PARD3: variants seen among roughly 807,000 people sequenced by gnomAD.
PARD3 encodes partitioning defective 3 homolog.
Under a neutral mutation model 155.4 loss-of-function variants are expected in PARD3, and 75 were observed. That is an observed-to-expected ratio of 0.48 (90% confidence interval 0.40 to 0.58). The LOEUF (loss-of-function observed/expected upper bound fraction) is 0.58. Among genes scored for constraint, PARD3 ranks in the 20% least tolerant of loss-of-function variants. The probability of loss-of-function intolerance (pLI) is 0.00; values close to 1 mark genes in which losing one functional copy is unlikely to be tolerated. For synonymous variants in PARD3, 576 were observed against 610.5 expected, an observed-to-expected ratio of 0.94 and a Z score of 0.83; for missense variants, 1,642 against 1,721.7, an observed-to-expected ratio of 0.95 and a Z score of 0.82.
At chr10:34,674,689 G>A (rs536330460) in intron 2 of PARD3, among the ~76,000 whole-genome samples, 3 of 151,990 alleles carry the variant, frequency 2.0e-5, no homozygotes, top group East Asian at 3.9e-4. Context: ...GTTTCACCAC[G>A]TTGGCCAGGC....
chr10:34,686,213 G>C (rs1389527794), intron 2 of PARD3, among the ~76,000 whole-genome samples: 2 of 152,086 alleles, frequency 1.3e-5, no homozygotes, highest in Non-Finnish European at 2.9e-5. Flanking sequence ...ACAGCTTGTA[G>C]CTCTGTGAAA....
chr10:34,579,197 G>C (rs779968830), intron 2 of PARD3, among the ~76,000 whole-genome samples: 11 of 151,796 alleles, frequency 7.2e-5, no homozygotes, highest in South Asian at 6.2e-4. Context: ...TTTAACCCAG[G>C]AGGCAGAGGT....
At chr10:34,465,186 A>G (rs1311490235) in intron 4 of PARD3, among the ~76,000 whole-genome samples, 1 of 152,156 alleles carries the variant, frequency 6.6e-6, no homozygotes. Flanking sequence ...GTTGTTCCAA[A>G]TATTTTCAAT....
At chr10:34,454,162 T>C (rs918716408) in intron 4 of PARD3, among the ~76,000 whole-genome samples, 5 of 152,186 alleles carry the variant, frequency 3.3e-5, no homozygotes, top group African/African-American at 1.2e-4. Flanking sequence ...CAGGTCCTAC[T>C]AGCGTTTCAG....
chr10:34,315,319 T>C (rs935701310), intron 20 of PARD3, among the ~76,000 whole-genome samples: 6 of 152,222 alleles, frequency 3.9e-5, no homozygotes, highest in Non-Finnish European at 5.9e-5. Flanking sequence ...CCATAGGCCT[T>C]TCTTTCTTCT....
intron 4 of PARD3, among the ~76,000 whole-genome samples, chr10:34,468,817 G>C (rs1042205017): frequency 9.2e-5 from 14 of 151,976 alleles, no homozygotes; most frequent in Admixed American, 7.2e-4. Flanking sequence ...GCAAACCAAA[G>C]TTGAAAGAAA....
In PARD3 at chr10:34,374,924, C is replaced by T. The variant is rs753703849; in HGVS notation, c.1618G>A (p.Val540Met). 1 of 1,613,900 alleles carries T rather than the reference C, an allele frequency of 6.2e-7. No individual in the cohort carries two copies. The highest frequency in any genetic ancestry group is 8.5e-7 in the Non-Finnish European group (1 of 1,179,802). Residue 540 changes from valine to methionine, a missense_variant, in exon 11 of 25, where the codon GTG (valine) becomes ATG (methionine). Val to Met is a conservative substitution (Grantham distance 21). This residue lies in a region of PARD3 where 1,529 missense variants were observed against 1,587.3 expected (regional missense o/e 0.96). Transcript: ENST00000374788. ...TCCTGGCGAAAGACCAGAAGGCTCA[C>T]AGTTCCTTCCATCTTGGTGCTTCTC... ...LLRSTKMEGTVSLLVFRQEDA... is the reference protein window; with the variant it reads ...LLRSTKMEGTMSLLVFRQEDA...
At chr10:34,148,670 T>C (rs985773242) in intron 22 of PARD3, among the ~76,000 whole-genome samples, 4 of 152,184 alleles carry the variant, frequency 2.6e-5, no homozygotes, top group African/African-American at 9.7e-5. Flanking sequence ...AAGTTGAAGA[T>C]GTTTTCCATA....
chr10:34,559,767 T>C (rs1378756874), intron 2 of PARD3, among the ~76,000 whole-genome samples: 2 of 152,164 alleles, frequency 1.3e-5, no homozygotes, highest in African/African-American at 4.8e-5. Flanking sequence ...AGGACAGCGA[T>C]ATAATTTGAC....
chr10:34,440,766 C>A (rs905224177), intron 5 of PARD3, among the ~76,000 whole-genome samples: 1 of 151,882 alleles, frequency 6.6e-6, no homozygotes, highest in Non-Finnish European at 1.5e-5. Context: ...AACTGCACAC[C>A]CCAGGTCCAA....
chr10:34,484,271 A>G (rs2079288742), intron 3 of PARD3, among the ~76,000 whole-genome samples: 1 of 152,218 alleles, frequency 6.6e-6, no homozygotes, highest in Non-Finnish European at 1.5e-5. Flanking sequence ...CCGAGTATTA[A>G]TTTAGGAGCT....
rs540446754 is a variant in PARD3 at position 34,778,871 on chromosome 10, T to C, written c.120+36005A>G. Among the ~76,000 whole-genome samples the C allele has an allele frequency of 4.6e-5, 7 of 152,346 alleles. No individual in the cohort carries two copies. In the South Asian group the frequency reaches 1.0e-3, roughly 23 times the overall value. ...GTTTCCTTAACATGAGGTAGACCAG[T>C]ATTTTTGTTCACAAAGGACTGACAA... On this transcript the variant is annotated intron_variant, in intron 1 of 24. Coordinates refer to ENST00000374788, the MANE Select transcript of PARD3 (RefSeq NM_001184785.2).
chr10:34,427,523 C>A (rs933415148), intron 5 of PARD3, among the ~76,000 whole-genome samples: 1 of 152,144 alleles, frequency 6.6e-6, no homozygotes. Flanking sequence ...GCATGCACAG[C>A]GGGACATGGA....
At chr10:34,499,964 T>C (rs545044487) in intron 3 of PARD3, among the ~76,000 whole-genome samples, 1 of 152,392 alleles carries the variant, frequency 6.6e-6, no homozygotes, top group South Asian at 2.1e-4. Context: ...AAATAGTTGT[T>C]ATACTGTATC....
chr10:34,623,958 C>G (rs957339593), intron 2 of PARD3, among the ~76,000 whole-genome samples: 3 of 150,904 alleles, frequency 2.0e-5, no homozygotes, highest in African/African-American at 7.4e-5. Context: ...CCAGCCTGGG[C>G]CACAGAGCAA....
At chr10:34,720,356 C>T (rs2094584627) in intron 1 of PARD3, among the ~76,000 whole-genome samples, 1 of 138,644 alleles carries the variant, frequency 7.2e-6, no homozygotes, top group Non-Finnish European at 1.5e-5. Flanking sequence ...TTCTCTGAGG[C>T]AGAAGAATTG....
At chr10:34,595,944 T>C (rs984653710) in intron 2 of PARD3, among the ~76,000 whole-genome samples, 1 of 152,138 alleles carries the variant, frequency 6.6e-6, no homozygotes, top group Non-Finnish European at 1.5e-5. Context: ...CTCCCCAACA[T>C]TGTGAGACCC....
chr10:34,529,278 G>A (rs1290807180), intron 2 of PARD3, among the ~76,000 whole-genome samples: 4 of 152,186 alleles, frequency 2.6e-5, no homozygotes, highest in African/African-American at 7.2e-5. Flanking sequence ...TGAGATTGCA[G>A]GTTCCTCTTC....
intron 24 of PARD3, among the ~76,000 whole-genome samples, chr10:34,118,147 T>C (rs561371490): frequency 4.6e-5 from 7 of 152,258 alleles, no homozygotes; most frequent in Admixed American, 2.6e-4. Flanking sequence ...GCAATTCTCC[T>C]CTTTAAAGGA....
Sources: gnomAD v4.1 joint callset for allele counts (sites outside exome capture counted in the v4.1 genomes callset) on GRCh38, gnomAD v4.1.1 for gene constraint, gnomAD v4.1.1 regional missense constraint, MANE v1.5 for transcripts, NCBI Gene and HGNC (gene_info 2026-07-23, HGNC 2026-07-21) for gene names.